Variants in GPHN observed in about 807,000 individuals in gnomAD.
The protein encoded by GPHN is gephyrin.
GPHN carries 17 observed loss-of-function variants against 95.5 expected under a neutral mutation model. That is an observed-to-expected ratio of 0.18 (90% CI 0.12 to 0.27). GPHN has a LOEUF of 0.27. Ranked by LOEUF, GPHN falls within the 10% of genes least tolerant of loss-of-function variation. The probability of loss-of-function intolerance (pLI) is 1.00; values close to 1 mark genes in which losing one functional copy is unlikely to be tolerated. For missense variants in GPHN, 660 were observed against 978.1 expected, an observed-to-expected ratio of 0.67 and a Z score of 4.34; for synonymous variants, 320 against 322.5, an observed-to-expected ratio of 0.99 and a Z score of 0.08.
chr14:66,870,714 C>T (rs1183622590), intron 4 of GPHN, among the ~76,000 whole-genome samples: 2 of 152,098 alleles, frequency 1.3e-5, no homozygotes, highest in Admixed American at 6.6e-5. Context: ...AAGGTATTCA[C>T]AAATTTGTTC....
chr14:67,311,519 T>C, the GPHN span, among the ~76,000 whole-genome samples: 4 of 152,270 alleles, frequency 2.6e-5, no homozygotes, highest in African/African-American at 7.2e-5. Flanking sequence ...AGATTTCTTA[T>C]AGATTTTGGA....
At chr14:66,811,955 T>A (rs531716245) in intron 3 of GPHN, among the ~76,000 whole-genome samples, 1 of 152,308 alleles carries the variant, frequency 6.6e-6, no homozygotes, top group Non-Finnish European at 1.5e-5. Flanking sequence ...GATTCTACCA[T>A]TTGGAAGAAG....
intron 10 of GPHN, among the ~76,000 whole-genome samples, chr14:67,057,411 T>A (rs28533300): frequency 2.2e-5 from 3 of 135,960 alleles, no homozygotes; most frequent in South Asian, 2.3e-4. Flanking sequence ...GGCACATGGG[T>A]GGGGGGGGCA....
chr14:67,427,071 G>A, the GPHN span, among the ~76,000 whole-genome samples: 5 of 151,496 alleles, frequency 3.3e-5, no homozygotes, highest in Admixed American at 6.6e-5. Context: ...GTATTGTGTC[G>A]CGCGGGGGAG....
chr14:66,566,450 G>A (rs913714844), intron 1 of GPHN, among the ~76,000 whole-genome samples: 1 of 152,014 alleles, frequency 6.6e-6, no homozygotes, highest in Non-Finnish European at 1.5e-5. Context: ...AAAATACCGA[G>A]GAATTGTATT....
At chr14:66,536,270 GA>G (rs1376967203) in intron 1 of GPHN, among the ~76,000 whole-genome samples, 2 of 152,126 alleles carry the variant, frequency 1.3e-5, no homozygotes, top group Non-Finnish European at 2.9e-5. Context: ...TCTAAATCAT[GA>G]ATAGGTGGTA....
rs569320844 is a variant in GPHN at position 66,961,072 on chromosome 14, G to A, written c.829-4119G>A. Among the ~76,000 whole-genome samples, 9 of 152,112 alleles carry A rather than the reference G, an allele frequency of 5.9e-5. No homozygotes were observed. The South Asian group carries it at 1.0e-3, about 18-fold the overall frequency. On this transcript the variant is annotated intron_variant, in intron 8 of 22. Transcript: ENST00000478722. ...GCCCTTTGAGTGTGTCCTTCAATAA[G>A]CCATAAGATATTTCAACACAAAAAA...
the GPHN span, chr14:67,221,666 TACTAC>T: frequency 6.6e-7 from 1 of 1,504,672 alleles, no homozygotes; most frequent in South Asian, 1.3e-5. Flanking sequence ...CGTGTTTCAT[TACTAC>T]CCACAGAGCA....
the GPHN span, among the ~76,000 whole-genome samples, chr14:67,558,890 C>T: frequency 3.3e-5 from 5 of 152,292 alleles, no homozygotes; most frequent in Middle Eastern, 3.4e-3. Context: ...ACAGATAATA[C>T]GTAAATGAAT....
chr14:66,639,838 GAT>G (rs1311948929), intron 1 of GPHN, among the ~76,000 whole-genome samples: 1 of 151,894 alleles, frequency 6.6e-6, no homozygotes, highest in African/African-American at 2.4e-5. Flanking sequence ...AATTTTAACA[GAT>G]ATATACATAT....
At chr14:67,553,834 C>T in the GPHN span, among the ~76,000 whole-genome samples, 14 of 152,298 alleles carry the variant, frequency 9.2e-5, no homozygotes, top group South Asian at 2.7e-3. Flanking sequence ...TGGCTCAAAC[C>T]GATGCCTGAA....
intron 3 of GPHN, among the ~76,000 whole-genome samples, chr14:66,792,697 A>G (rs1183553786): frequency 6.6e-6 from 1 of 152,200 alleles, no homozygotes; most frequent in Non-Finnish European, 1.5e-5. Flanking sequence ...TGCAAAGACC[A>G]GCTCAGTCAG....
At chr14:66,851,040 C>T (rs972610229) in intron 4 of GPHN, among the ~76,000 whole-genome samples, 5 of 151,440 alleles carry the variant, frequency 3.3e-5, no homozygotes, top group African/African-American at 1.2e-4. Flanking sequence ...TATTTAGGAA[C>T]AAAAATTCTG....
At chr14:66,978,880 C>A (rs748688447) in intron 9 of GPHN, among the ~76,000 whole-genome samples, 1 of 152,156 alleles carries the variant, frequency 6.6e-6, no homozygotes, top group African/African-American at 2.4e-5. Context: ...GTTGAAATTA[C>A]TTCTTGATCT....
chr14:66,606,695 G>A (rs556006638), intron 1 of GPHN, among the ~76,000 whole-genome samples: 2 of 152,072 alleles, frequency 1.3e-5, no homozygotes, highest in East Asian at 3.9e-4. Flanking sequence ...CACCTCTTTG[G>A]TTAGATGTAT....
intron 2 of GPHN, among the ~76,000 whole-genome samples, chr14:66,706,806 G>A (rs572885969): frequency 9.1e-4 from 139 of 152,148 alleles, no homozygotes; most frequent in African/African-American, 2.8e-3. Context: ...ACCCAAAATT[G>A]ACAAATGGGA....
the GPHN span, among the ~76,000 whole-genome samples, chr14:67,351,845 G>A: frequency 7.1e-6 from 1 of 141,098 alleles, no homozygotes; most frequent in Non-Finnish European, 1.5e-5. Context: ...TAAGTTAAAA[G>A]AAAAGGCGTG....
chr14:67,188,789 C>T, the GPHN span, among the ~76,000 whole-genome samples: 1 of 151,306 alleles, frequency 6.6e-6, no homozygotes, highest in Middle Eastern at 3.2e-3. Context: ...TTCCTTCCTT[C>T]CTTCCTTCCT....
the GPHN span, among the ~76,000 whole-genome samples, chr14:67,256,246 C>T: frequency 6.6e-6 from 1 of 151,750 alleles, no homozygotes; most frequent in African/African-American, 2.4e-5. Flanking sequence ...ACTTTATAAA[C>T]ATCTTCTATG....
Sources: gnomAD v4.1 joint callset for allele counts (sites outside exome capture counted in the v4.1 genomes callset) on GRCh38, gnomAD v4.1.1 for gene constraint, MANE v1.5 for transcripts, NCBI Gene and HGNC (gene_info 2026-07-23, HGNC 2026-07-21) for gene names.